Variants in SGCZ observed in about 807,000 individuals in gnomAD.
SGCZ encodes zeta-sarcoglycan.
A neutral mutation model predicts 41.3 loss-of-function variants in SGCZ; 40 were observed. That is an observed-to-expected ratio of 0.97 (90% confidence interval 0.75 to 1.26). The LOEUF is 1.26. Ranked by LOEUF, SGCZ falls within the 50% of genes most tolerant of loss-of-function variation. The pLI is 0.00. For missense variants in SGCZ, 552 were observed against 369.8 expected (o/e 1.49, Z -4.04); for synonymous variants, 206 against 137.5 (o/e 1.50, Z -3.49).
chr8:14,126,959 C>A (rs1297988479), intron 5 of SGCZ, among the ~76,000 whole-genome samples: 1 of 151,892 alleles, frequency 6.6e-6, no homozygotes, highest in African/African-American at 2.4e-5. Context: ...AGGGGGACAA[C>A]ACACACTGGG....
chr8:14,945,347 T>C (rs1229423131), intron 1 of SGCZ, among the ~76,000 whole-genome samples: 1 of 152,140 alleles, frequency 6.6e-6, no homozygotes. Context: ...CCTAATTAAT[T>C]ATCTCACACC....
chr8:14,103,537 G>GT (rs1419662054), intron 6 of SGCZ, among the ~76,000 whole-genome samples: 1 of 152,134 alleles, frequency 6.6e-6, no homozygotes, highest in Admixed American at 6.6e-5. Context: ...ACCTCAAATG[G>GT]TTAGGTCTCT....
chr8:15,183,135 C>G (rs1029960022), intron 1 of SGCZ, among the ~76,000 whole-genome samples: 16 of 150,744 alleles, frequency 1.1e-4, no homozygotes, highest in South Asian at 2.1e-4. Flanking sequence ...CCTGAAGGAC[C>G]TGCCTTAGGC....
At chr8:14,094,379 A>G (rs952878247) in intron 7 of SGCZ, among the ~76,000 whole-genome samples, 1 of 151,784 alleles carries the variant, frequency 6.6e-6, no homozygotes, top group African/African-American at 2.4e-5. Flanking sequence ...TTAGGAGTAC[A>G]TGTGGTGTTT....
At chr8:14,991,685 C>T (rs909850496) in intron 1 of SGCZ, among the ~76,000 whole-genome samples, 2 of 151,772 alleles carry the variant, frequency 1.3e-5, no homozygotes, top group Admixed American at 6.6e-5. Flanking sequence ...TTACCTCTCA[C>T]CCATCCTCCT....
At chr8:14,290,629 A>T (rs919946804) in intron 3 of SGCZ, among the ~76,000 whole-genome samples, 4 of 152,284 alleles carry the variant, frequency 2.6e-5, no homozygotes, top group African/African-American at 9.6e-5. Context: ...TAAAAACTTC[A>T]ATGAGATGTC....
At chr8:14,747,732 T>TGTGA (rs1554492384) in intron 1 of SGCZ, among the ~76,000 whole-genome samples, 4 of 146,462 alleles carry the variant, frequency 2.7e-5, no homozygotes, top group South Asian at 2.2e-4. Context: ...TGTGTGTGTG[T>TGTGA]GAGACTGAGT....
rs554461503 is a variant in SGCZ at position 15,041,549 on chromosome 8, G to A, written c.39+196036C>T. On this transcript the variant is annotated intron_variant, in intron 1 of 7. Transcript: ENST00000382080. Reference sequence around the variant, plus strand: ...ATATGGCTACATACACCTAGAAAGCGGGTTAATCAAACAATCATGAGAAGT... The same window carrying A: ...ATATGGCTACATACACCTAGAAAGCAGGTTAATCAAACAATCATGAGAAGT... 9.1e-4 allele frequency among the ~76,000 whole-genome samples: 138 copies of A among 152,010 alleles called. 1 individual carries two copies. Among genetic ancestry groups the A allele is most frequent in the African/African-American group, 3.2e-3 (133 of 41,494 alleles).
intron 1 of SGCZ, among the ~76,000 whole-genome samples, chr8:15,169,623 CATTT>C (rs1799769223): frequency 6.6e-6 from 1 of 152,142 alleles, no homozygotes. Context: ...AAACAACAAC[CATTT>C]ATTTCTTAGA....
At chr8:14,714,126 C>T (rs1011665306) in intron 1 of SGCZ, among the ~76,000 whole-genome samples, 9 of 152,020 alleles carry the variant, frequency 5.9e-5, no homozygotes, top group African/African-American at 1.7e-4. Context: ...CACCACCACG[C>T]CCAGCTAATT....
intron 2 of SGCZ, among the ~76,000 whole-genome samples, chr8:14,347,125 C>A (rs1455005740): frequency 1.3e-5 from 2 of 152,026 alleles, no homozygotes; most frequent in African/African-American, 4.8e-5. Flanking sequence ...AGCTGAGAGA[C>A]ATTATGTTAT....
At chr8:14,536,873 T>C (rs1274941151) in intron 2 of SGCZ, among the ~76,000 whole-genome samples, 1 of 151,980 alleles carries the variant, frequency 6.6e-6, no homozygotes. Flanking sequence ...GTCTTCAGTG[T>C]TGAGCAGAGA....
intron 5 of SGCZ, among the ~76,000 whole-genome samples, chr8:14,125,142 G>C (rs1458652976): frequency 1.3e-5 from 2 of 152,068 alleles, no homozygotes; most frequent in African/African-American, 2.4e-5. Flanking sequence ...TGAAATGAGA[G>C]GACACAAAGA....
chr8:14,113,000 C>A (rs552396698), intron 5 of SGCZ, among the ~76,000 whole-genome samples: 1 of 152,010 alleles, frequency 6.6e-6, no homozygotes, highest in Non-Finnish European at 1.5e-5. Flanking sequence ...TATTACCTCT[C>A]GAAAGAAGAA....
intron 3 of SGCZ, among the ~76,000 whole-genome samples, chr8:14,259,580 T>C (rs1427740928): frequency 3.0e-5 from 4 of 135,260 alleles, no homozygotes; most frequent in East Asian, 2.0e-4. Flanking sequence ...CCTTTCCCCA[T>C]TGCTTGTTTT....
chr8:14,751,642 T>C (rs1799500244), intron 1 of SGCZ, among the ~76,000 whole-genome samples: 1 of 152,156 alleles, frequency 6.6e-6, no homozygotes, highest in Non-Finnish European at 1.5e-5. Flanking sequence ...AATACGGGCC[T>C]AGCATTTAAA....
At chr8:14,200,173 A>T (rs903700782) in intron 4 of SGCZ, among the ~76,000 whole-genome samples, 5 of 152,198 alleles carry the variant, frequency 3.3e-5, no homozygotes, top group Admixed American at 1.3e-4. Context: ...CAAATTCTGT[A>T]TGCTGAAAGC....
intron 1 of SGCZ, among the ~76,000 whole-genome samples, chr8:15,206,416 A>G (rs1159259544): frequency 6.6e-6 from 1 of 151,162 alleles, no homozygotes; most frequent in East Asian, 2.0e-4. Flanking sequence ...AAGAAAAATA[A>G]AGATAGGAAG....
intron 4 of SGCZ, among the ~76,000 whole-genome samples, chr8:14,206,493 A>T (rs1805619555): frequency 6.6e-6 from 1 of 152,194 alleles, no homozygotes; most frequent in Non-Finnish European, 1.5e-5. Context: ...GAAAAATCTA[A>T]GCTGCCAACA....
Sources: allele counts gnomAD v4.1 joint callset (sites outside exome capture counted in the v4.1 genomes callset), GRCh38; gene constraint gnomAD v4.1.1; transcripts MANE v1.5; gene names NCBI Gene and HGNC (gene_info 2026-07-23, HGNC 2026-07-21).